Variants in TMEM182 observed in about 807,000 individuals in gnomAD.
The protein encoded by TMEM182 is transmembrane protein 182.
A neutral mutation model predicts 26.8 loss-of-function variants in TMEM182; 20 were observed. The observed-to-expected ratio is 0.75, with a 90% CI of 0.53 to 1.09. The LOEUF (loss-of-function observed/expected upper bound fraction) is 1.09. Ranked by LOEUF, TMEM182 falls within the 50% of genes least tolerant of loss-of-function variation. The pLI, the probability that TMEM182 is intolerant of heterozygous loss-of-function variation, is 0.00. For synonymous variants in TMEM182, 109 were observed against 102.2 expected, an observed-to-expected ratio of 1.07 and a Z score of -0.40; for missense variants, 277 against 275.5, an observed-to-expected ratio of 1.01 and a Z score of -0.04.
intron 1 of TMEM182, among the ~76,000 whole-genome samples, chr2:102,750,037 G>GT (rs200041021): frequency 0.018 from 2,735 of 150,372 alleles, 52 homozygotes; most frequent in Middle Eastern, 0.048. Context: ...ATAAATAAAT[G>GT]TTTTTTTTTA....
rs190652975 is a variant in TMEM182 at position 102,756,695 on chromosome 2, C to T, written c.-82-1694C>T. On this transcript the variant is annotated intron_variant, in intron 1 of 5. Coordinates refer to the TMEM182 transcript ENST00000409173. ...CTGCACTCTAGTCTGGGCAACAGAG[C>T]GAGACTCCGTCTCAAGAAAAAACAA... Among the ~76,000 whole-genome samples the T allele has an allele frequency of 3.8e-3, 583 of 152,220 alleles. 8 individuals are homozygous for T. Among genetic ancestry groups the T allele is most frequent in the African/African-American group, 0.013 (557 of 41,546 alleles).
rs1682194723 is a variant in TMEM182, at chr2:102,802,700, G to A, written c.469+4700G>A. On this transcript the variant is annotated intron_variant, in intron 4 of 4. Transcript: ENST00000412401. ...ATATGAAGAAAATTACTGTAGAGCT[G>A]AATAGTCATAATCCCTGTGCAAAGC... Among the ~76,000 whole-genome samples, 6 of 152,180 alleles carry A rather than the reference G, an allele frequency of 3.9e-5. No homozygotes were observed. The South Asian group carries it at 1.2e-3, about 32-fold the overall frequency.
chr2:102,801,129 G>A (rs183530625), intron 4 of TMEM182, among the ~76,000 whole-genome samples: 19 of 152,190 alleles, frequency 1.2e-4, no homozygotes, highest in South Asian at 8.3e-4. Context: ...CAAAAGCCCC[G>A]AGAAGTTCTG....
chr2:102,777,922 C>G (rs1680991808), intron 3 of TMEM182, among the ~76,000 whole-genome samples: 1 of 151,712 alleles, frequency 6.6e-6, no homozygotes, highest in African/African-American at 2.4e-5. Context: ...TGTTTTACAG[C>G]TTGGGATATG....
chr2:102,770,377 A>C (rs1338863979), intron 3 of TMEM182, among the ~76,000 whole-genome samples: 4 of 152,094 alleles, frequency 2.6e-5, no homozygotes, highest in African/African-American at 4.8e-5. Context: ...TGTTCCAGGC[A>C]CCTACTTCTA....
upstream of TMEM182, chr2:102,758,598 A>G: frequency 1.5e-6 from 1 of 662,368 alleles, no homozygotes; most frequent in Non-Finnish European, 2.8e-6. Context: ...CTTAACAAGT[A>G]CCAAGCTGGG....
chr2:102,787,722 G>A (rs1372297189), intron 3 of TMEM182, among the ~76,000 whole-genome samples: 1 of 152,216 alleles, frequency 6.6e-6, no homozygotes, highest in East Asian at 1.9e-4. Flanking sequence ...GATGCAGAGG[G>A]ATCAGTGCCA....
At chr2:102,780,049 ATT>A (rs779455881) in intron 3 of TMEM182, among the ~76,000 whole-genome samples, 39 of 140,106 alleles carry the variant, frequency 2.8e-4, no homozygotes, top group Admixed American at 2.8e-4. Context: ...GCCATTGAAG[ATT>A]TTTTTTTTTT....
At chr2:102,774,696 C>A (rs116424815) in intron 3 of TMEM182, among the ~76,000 whole-genome samples, 2,670 of 152,176 alleles carry the variant, frequency 0.018, 42 homozygotes, top group Non-Finnish European at 0.027. Context: ...TTCCAACACC[C>A]TTTGTTAAAA....
intron 3 of TMEM182, among the ~76,000 whole-genome samples, chr2:102,780,730 G>A (rs1303395039): frequency 6.6e-6 from 1 of 152,158 alleles, no homozygotes; most frequent in Admixed American, 6.5e-5. Flanking sequence ...GAGGGGATGT[G>A]GTTGAGACAC....
At chr2:102,793,842 G>T (rs1428092460) in intron 3 of TMEM182, among the ~76,000 whole-genome samples, 2 of 152,168 alleles carry the variant, frequency 1.3e-5, no homozygotes, top group African/African-American at 4.8e-5. Context: ...CTAAGGGAAA[G>T]AATACATGTT....
chr2:102,789,332 C>A (rs1456346204), intron 3 of TMEM182, among the ~76,000 whole-genome samples: 1 of 152,182 alleles, frequency 6.6e-6, no homozygotes, highest in Non-Finnish European at 1.5e-5. Flanking sequence ...AATCACTTAT[C>A]AAAACACTAC....
At chr2:102,783,285 C>T (rs1290740338) in intron 3 of TMEM182, among the ~76,000 whole-genome samples, 1 of 152,150 alleles carries the variant, frequency 6.6e-6, no homozygotes, top group African/African-American at 2.4e-5. Flanking sequence ...TTTTAGATGG[C>T]TGGTTTTTTC....
In TMEM182 at chr2:102,796,957, G is replaced by A. The variant is rs761751024; in HGVS notation, c.332-906G>A. Among the ~76,000 whole-genome samples, 7 of 152,016 alleles carry A rather than the reference G, an allele frequency of 4.6e-5. No homozygotes were observed. The South Asian group carries it at 1.0e-3, about 23-fold the overall frequency. Reference sequence around the variant, plus strand: ...ACTTGACTAATATGTTTCACTGAGCGTTCCCCCATCTATACTATCAAGAAT... The same window carrying A: ...ACTTGACTAATATGTTTCACTGAGCATTCCCCCATCTATACTATCAAGAAT... On this transcript the variant is annotated intron_variant, in intron 3 of 4. Coordinates refer to ENST00000412401, the MANE Select transcript of TMEM182 (RefSeq NM_144632.5).
chr2:102,788,502 G>A (rs1377915979), intron 3 of TMEM182, among the ~76,000 whole-genome samples: 5 of 144,826 alleles, frequency 3.5e-5, no homozygotes, highest in African/African-American at 5.3e-5. Flanking sequence ...GGTGACAGCT[G>A]TTTCAAAGTT....
chr2:102,806,602 T>G (rs1489099566), intron 4 of TMEM182, among the ~76,000 whole-genome samples: 1 of 152,130 alleles, frequency 6.6e-6, no homozygotes, highest in East Asian at 1.9e-4. Context: ...CTCTGATGCT[T>G]TAGAAGATTT....
At chr2:102,766,491 A>G (rs1338910227) in intron 3 of TMEM182, among the ~76,000 whole-genome samples, 5 of 152,238 alleles carry the variant, frequency 3.3e-5, no homozygotes, top group African/African-American at 1.2e-4. Context: ...GATGTGTTCT[A>G]CAACAGAAAT....
intron 4 of TMEM182, among the ~76,000 whole-genome samples, chr2:102,800,464 T>C (rs1257031509): frequency 1.3e-5 from 2 of 152,160 alleles, no homozygotes; most frequent in Non-Finnish European, 2.9e-5. Context: ...CATAATTCCA[T>C]AGGACCAAAT....
intron 1 of TMEM182, among the ~76,000 whole-genome samples, chr2:102,737,912 G>T (rs1359901826): frequency 6.6e-6 from 1 of 152,132 alleles, no homozygotes; most frequent in Non-Finnish European, 1.5e-5. Flanking sequence ...ACTTGTGTAG[G>T]TTGCTAATTC....
Sources: gnomAD v4.1 joint callset for allele counts (sites outside exome capture counted in the v4.1 genomes callset) on GRCh38, gnomAD v4.1.1 for gene constraint, MANE v1.5 for transcripts, NCBI Gene and HGNC (gene_info 2026-07-23, HGNC 2026-07-21) for gene names.